ZNF473: variants seen among roughly 807,000 people sequenced by gnomAD.
The protein encoded by ZNF473 is zinc finger protein 473, also known as zinc finger protein 100 homolog.
Under a neutral mutation model 11.1 loss-of-function variants are expected in ZNF473, and 4 were observed. The ratio of observed to expected loss-of-function variants is 0.36; its 90% CI spans 0.18 to 0.82. ZNF473 has a LOEUF of 0.82. Among genes scored for constraint, ZNF473 ranks in the 40% least tolerant of loss-of-function variants. The pLI is 0.49. For missense variants in ZNF473, 854 were observed against 1,084.0 expected (o/e 0.79, Z 2.98); for synonymous variants, 404 against 390.4 (o/e 1.03, Z -0.41).
intron 2 of ZNF473, among the ~76,000 whole-genome samples, chr19:50,038,524 C>T (rs551430740): frequency 6.6e-6 from 1 of 152,192 alleles, no homozygotes; most frequent in Non-Finnish European, 1.5e-5. Context: ...GCTTGCCACA[C>T]TCAGAACATG....
chr19:50,046,967 T>C lies in ZNF473; in HGVS notation c.2524T>C (p.Tyr842His), dbSNP rs751446510. Residue 842 changes from tyrosine (Y) to histidine (H), a missense_variant, in exon 5 of 5, where the codon TAT (tyrosine) becomes CAT (histidine). Transcript: ENST00000270617. This position sits in a 1 kb window ranked among gnomAD's most constrained non-coding sequence, Gnocchi z 5.9. ...GAGAGTTCACACCCAGGAGACACTT[T>C]ATCAGTGTCAACGTTGCCAGAAAGC... is the stretch of plus-strand genomic sequence containing the variant. ...HLRVHTQETL[Y>H]QCQRCQKAFR... The C allele has an allele frequency of 8.1e-6, 13 of 1,614,064 alleles. No individual in the cohort carries two copies. In the East Asian group the frequency reaches 2.2e-4, roughly 28 times the overall value.
chr19:50,041,425 C>T (rs1464871364), intron 3 of ZNF473: 5 of 212,308 alleles, frequency 2.4e-5, no homozygotes, highest in East Asian at 2.3e-4. Flanking sequence ...TAAGGAAGTA[C>T]GTGCCTCTCC....
In ZNF473 at chr19:50,046,169, T is replaced by C. The variant is rs1979105125; in HGVS notation, c.1726T>C (p.Tyr576His). The C allele has an allele frequency of 1.9e-6, 3 of 1,614,086 alleles. No homozygotes were observed. Among genetic ancestry groups the C allele is most frequent in the Non-Finnish European group, 2.5e-6 (3 of 1,179,998 alleles). Residue 576 changes from tyrosine (Y) to histidine (H), a missense_variant, in exon 5 of 5, where the codon TAC (tyrosine) becomes CAC (histidine). Tyr to His is a moderately conservative substitution (Grantham distance 83, BLOSUM62 2). Coordinates refer to ENST00000270617, the MANE Select transcript of ZNF473 (RefSeq NM_015428.4). This position sits in a 1 kb window ranked among gnomAD's most constrained non-coding sequence, Gnocchi z 5.9. The stretch of plus-strand genomic sequence containing the variant: ...TGAGAAAACCTTTAGCTGCAGCAAA[T>C]ACCTAACTCAGCACGAGAGGATTCA... ...KCEKTFSCSK[Y>H]LTQHERIHTR...
Position 50,046,903 on chromosome 19 carries a change from C to A in ZNF473, c.2460C>A (p.Gly820=). The A allele has an allele frequency of 2.5e-6, 4 of 1,614,186 alleles. No individual in the cohort carries two copies. The highest frequency in any genetic ancestry group is 3.4e-6 in the Non-Finnish European group (4 of 1,180,042). ...GEKPYSCNVC[G]KAFVLSAHLN... ...AGCCTTACTCCTGTAATGTGTGTGG[C>A]AAAGCTTTTGTCCTCAGTGCCCATC... is the stretch of plus-strand genomic sequence containing the variant. Residue 820 remains glycine, a synonymous_variant, in exon 5 of 5, where the codon GGC becomes GGA. Transcript: ENST00000270617. The surrounding 1 kb of genome is among the most constrained non-coding windows in gnomAD (Gnocchi z 5.9).
intron 1 of ZNF473, among the ~76,000 whole-genome samples, chr19:50,026,346 G>A (rs2077275071): frequency 6.6e-6 from 1 of 151,998 alleles, no homozygotes; most frequent in African/African-American, 2.4e-5. Context: ...TGGCGGGGGG[G>A]ATCACTTACA....
At chr19:50,036,682 C>G (rs541930776) in intron 2 of ZNF473, among the ~76,000 whole-genome samples, 2 of 151,960 alleles carry the variant, frequency 1.3e-5, no homozygotes, top group Non-Finnish European at 2.9e-5. Flanking sequence ...TGAGTGAATT[C>G]ATTTATTCAT....
At chr19:50,031,392 A>C (rs533073042) in intron 2 of ZNF473, among the ~76,000 whole-genome samples, 1 of 151,996 alleles carries the variant, frequency 6.6e-6, no homozygotes, top group Non-Finnish European at 1.5e-5. Context: ...CCCTCTTTGC[A>C]CCATCTTCTG....
chr19:50,032,855 G>A (rs1431415479), intron 2 of ZNF473, among the ~76,000 whole-genome samples: 3 of 152,136 alleles, frequency 2.0e-5, no homozygotes, highest in African/African-American at 4.8e-5. Context: ...CTCAATCTCT[G>A]CCTTCATCTT....
At chr19:50,029,726 T>A (rs889926741) in intron 1 of ZNF473, among the ~76,000 whole-genome samples, 2 of 152,242 alleles carry the variant, frequency 1.3e-5, no homozygotes, top group Admixed American at 1.3e-4. Context: ...TGACTATGAT[T>A]TTTTAATGAA....
chr19:50,037,397 C>T (rs192702356), intron 2 of ZNF473, among the ~76,000 whole-genome samples: 2 of 152,286 alleles, frequency 1.3e-5, no homozygotes, highest in East Asian at 1.9e-4. Flanking sequence ...TAAAATGTGC[C>T]TGTGCCCACA....
intron 1 of ZNF473, among the ~76,000 whole-genome samples, chr19:50,029,675 G>A (rs934981395): frequency 2.0e-5 from 3 of 152,210 alleles, no homozygotes; most frequent in African/African-American, 7.2e-5. Context: ...CTGTGGTACA[G>A]TTTTGCGTAT....
chr19:50,032,830 C>T (rs2077324990), intron 2 of ZNF473, among the ~76,000 whole-genome samples: 1 of 152,164 alleles, frequency 6.6e-6, no homozygotes, highest in African/African-American at 2.4e-5. Flanking sequence ...GTTCCTCGGC[C>T]TGGAGAGGCA....
rs376896150 is a variant in ZNF473 at position 50,045,647 on chromosome 19, C to A, written c.1204C>A (p.Pro402Thr). 5 of 1,614,010 alleles carry A rather than the reference C, an allele frequency of 3.1e-6. No homozygotes were observed. In the East Asian group the frequency reaches 8.9e-5, roughly 29 times the overall value. ...EHQALHAGEEPYKCNERGKSF... is the reference protein window; with the variant it reads ...EHQALHAGEETYKCNERGKSF... The stretch of plus-strand genomic sequence containing the variant: ...CCAGGCTCTTCATGCTGGAGAGGAG[C>A]CTTATAAGTGTAACGAACGTGGGAA... Residue 402 changes from proline (P) to threonine (T), a missense_variant, in exon 5 of 5, where the codon CCT (proline) becomes ACT (threonine). This residue lies in a region of ZNF473 where 668 missense variants were observed against 790.2 expected (regional missense o/e 0.85). Coordinates refer to ENST00000270617, the MANE Select transcript of ZNF473 (RefSeq NM_015428.4).
In ZNF473 at chr19:50,039,776, C is replaced by T. The variant is rs1445318560; in HGVS notation, c.136+489C>T. 6.6e-6 allele frequency among the ~76,000 whole-genome samples: 1 copy of T among 152,244 alleles called. No individual in the cohort carries two copies. Among genetic ancestry groups the T allele is most frequent in the Non-Finnish European group, 1.5e-5 (1 of 68,034 alleles). On this transcript the variant is annotated intron_variant, in intron 3 of 4. Coordinates refer to ENST00000270617, the MANE Select transcript of ZNF473 (RefSeq NM_015428.4). The surrounding 1 kb of genome is among the most constrained non-coding windows in gnomAD (Gnocchi z 4.8). ...AGTTTAACCTGGGACCCTGTTAGAACTCCATACCTCCTCTCCTACTCATCT... is the reference window on the plus strand; with the variant it reads ...AGTTTAACCTGGGACCCTGTTAGAATTCCATACCTCCTCTCCTACTCATCT...
At chr19:50,031,917 A>G (rs2077320213) in intron 2 of ZNF473, among the ~76,000 whole-genome samples, 1 of 151,906 alleles carries the variant, frequency 6.6e-6, no homozygotes, top group South Asian at 2.1e-4. Context: ...CCTCAAGGCA[A>G]TGGCCTCCCT....
chr19:50,033,340 T>G (rs1448426133), intron 2 of ZNF473, among the ~76,000 whole-genome samples: 1 of 151,420 alleles, frequency 6.6e-6, no homozygotes, highest in African/African-American at 2.4e-5. Context: ...TGGAGCAGAG[T>G]GGATGAGCAG....
chr19:50,044,565 G>C lies in ZNF473; in HGVS notation c.227-105G>C, dbSNP rs2122852834. 3 of 918,212 alleles carry C rather than the reference G, an allele frequency of 3.3e-6. No individual in the cohort carries two copies. The East Asian group carries it at 7.2e-5, about 22-fold the overall frequency. 56.9% of individuals were successfully genotyped at this position (918,212 alleles called of 1,614,324 possible). ...CCAGTTCCACATGGGTCACCCCTTT[G>C]GGTCCCTTGATGGATAGGCTGGACT... On this transcript the variant is annotated intron_variant, in intron 4 of 4. Coordinates refer to ENST00000270617, the MANE Select transcript of ZNF473 (RefSeq NM_015428.4).
intron 2 of ZNF473, among the ~76,000 whole-genome samples, chr19:50,035,452 C>CGTGTGTGTGTGTGT (rs3222106): frequency 0.023 from 3,148 of 138,426 alleles, 49 homozygotes; most frequent in East Asian, 0.04. Flanking sequence ...TTCTTTCATA[C>CGTGTGTGTGTGTGT]GTGTGTGTGT....
chr19:50,043,943 A>G (rs1314974388), intron 4 of ZNF473, among the ~76,000 whole-genome samples: 2 of 152,110 alleles, frequency 1.3e-5, no homozygotes, highest in Non-Finnish European at 2.9e-5. Context: ...AGTCTGGTGG[A>G]TTTAGGGAAC....
Sources: gnomAD v4.1 joint callset for allele counts (sites outside exome capture counted in the v4.1 genomes callset) on GRCh38, gnomAD v4.1.1 for gene constraint, gnomAD v4.1.1 regional missense constraint, Gnocchi (gnomAD v3.1) non-coding constraint, MANE v1.5 for transcripts, NCBI Gene and HGNC (gene_info 2026-07-23, HGNC 2026-07-21) for gene names.